The following TOGARAM1 variants were observed in gnomAD, a reference collection of about 807,000 sequenced individuals.
The protein encoded by TOGARAM1 is TOG array regulator of axonemal microtubules 1, also known as TOG array regulator of axonemal microtubules protein 1.
A neutral mutation model predicts 166.6 loss-of-function variants in TOGARAM1; 100 were observed. The observed-to-expected ratio is 0.60, with a 90% CI of 0.51 to 0.71. The LOEUF (loss-of-function observed/expected upper bound fraction) is 0.71. Among genes scored for constraint, TOGARAM1 ranks in the 30% least tolerant of loss-of-function variants. TOGARAM1 has a pLI of 0.00. For missense variants in TOGARAM1, 2,029 were observed against 2,102.7 expected (o/e 0.96, Z 0.69); for synonymous variants, 758 against 763.8 (o/e 0.99, Z 0.13).
chr14:45,032,503 A>G, intron 11 of TOGARAM1, 127 bp downstream of exon 11: 2 of 971,810 alleles, frequency 2.1e-6, no homozygotes, highest in Non-Finnish European at 3.0e-6. Flanking sequence ...GTTCTTAGGC[A>G]TCAGAGTCTT....
At chr14:45,064,024 G>T (rs895520597) in intron 16 of TOGARAM1, among the ~76,000 whole-genome samples, 1 of 151,958 alleles carries the variant, frequency 6.6e-6, no homozygotes, top group Non-Finnish European at 1.5e-5. Flanking sequence ...GGCCAGTTTT[G>T]CAAGAAACTT....
intron 7 of TOGARAM1, among the ~76,000 whole-genome samples, chr14:45,016,234 A>G (rs367935376): frequency 2.0e-5 from 3 of 152,118 alleles, no homozygotes; most frequent in African/African-American, 7.2e-5. Flanking sequence ...TATGTCTACA[A>G]AAAGTACAAA....
chr14:45,038,238 G>T (rs1881538298), intron 11 of TOGARAM1, among the ~76,000 whole-genome samples: 1 of 152,164 alleles, frequency 6.6e-6, no homozygotes. Flanking sequence ...TTTGTCATGG[G>T]ATCCTTAAGG....
chr14:45,012,845 C>G (rs1215464715), intron 7 of TOGARAM1, among the ~76,000 whole-genome samples: 1 of 152,152 alleles, frequency 6.6e-6, no homozygotes. Context: ...GTGTCTTAAT[C>G]TCAACCCCTC....
intron 7 of TOGARAM1, among the ~76,000 whole-genome samples, chr14:45,013,157 G>C (rs567334995): frequency 6.6e-6 from 1 of 152,110 alleles, no homozygotes; most frequent in African/African-American, 2.4e-5. Context: ...TGCACATACT[G>C]TTTTTTCTGG....
chr14:44,963,993 C>A lies in TOGARAM1; in HGVS notation c.1572C>A (p.Arg524=), dbSNP rs1334871078. The change falls in exon 1 of 20, where the codon CGC becomes CGA. Residue 524 remains arginine (R), a synonymous_variant. Coordinates refer to ENST00000361462, the MANE Select transcript of TOGARAM1 (RefSeq NM_001308120.2). ...DLAPALVDSK[R]RVRQAALEAF... ...CCCCAGCTCTTGTAGATAGCAAACG[C>A]AGGGTACGCCAAGCAGCTTTAGAAG... 3.1e-6 allele frequency: 5 copies of A among 1,614,186 alleles called. No homozygotes were observed. In the Admixed American group the frequency reaches 8.3e-5, roughly 27 times the overall value.
chr14:44,962,617 C>T lies in TOGARAM1; in HGVS notation c.196C>T (p.Pro66Ser), dbSNP rs1885223288. Residue 66 changes from proline (P) to serine (S), a missense_variant, in exon 1 of 20, where the codon CCT becomes TCT. Pro to Ser is a moderately conservative substitution (Grantham distance 74). This residue lies in a region of TOGARAM1 where 1,453 missense variants were observed against 1,432.2 expected (regional missense o/e 1.01). Transcript: ENST00000361462. ...CGGTTCCTGCCCCACTACAACTTCG[C>T]CTCTGGCCTCGGCCCTCTTGATGCC... ...DHGSCPTTTSPLASALLMPSE... is the reference protein window; with the variant it reads ...DHGSCPTTTSSLASALLMPSE... The T allele has an allele frequency of 6.2e-7, 1 of 1,613,614 alleles. No homozygotes were observed. The highest frequency in any genetic ancestry group is 8.5e-7 in the Non-Finnish European group (1 of 1,179,644).
intron 14 of TOGARAM1, among the ~76,000 whole-genome samples, chr14:45,050,484 C>G (rs1359323634): frequency 1.1e-4 from 17 of 151,866 alleles, no homozygotes; most frequent in Admixed American, 1.1e-3. Context: ...AACTCTTGGG[C>G]TCAAGCAGTC....
intron 1 of TOGARAM1, among the ~76,000 whole-genome samples, chr14:44,981,841 CTTT>C (rs56409455): frequency 8.7e-5 from 7 of 80,278 alleles, no homozygotes; most frequent in Non-Finnish European, 7.7e-5. Context: ...TTTTCACTTA[CTTT>C]TTTTTTTTTT....
Position 45,044,613 on chromosome 14 carries a change from TAC to T in TOGARAM1, c.3919-20_3919-19del. ...TTTCTTGCAGAATATCAGCAAAATG[TAC>T]ATTTTGAATTTTTTTTTAGGTGAAA... On this transcript the variant is annotated intron_variant, in intron 12 of 19. Transcript: ENST00000361462. 6.5e-7 allele frequency: 1 copy of T among 1,530,156 alleles called. No individual in the cohort carries two copies. The highest frequency in any genetic ancestry group is 1.2e-5 in the South Asian group (1 of 83,944). 94.8% of individuals were successfully genotyped at this position (1,530,156 alleles called of 1,614,324 possible).
chr14:44,964,026 C>T lies in TOGARAM1; in HGVS notation c.1605C>T (p.Ala535=), dbSNP rs1242726864. ...RVRQAALEAF[A]VLASSMGSGK... ...GCCAAGCAGCTTTAGAAGCTTTTGC[C>T]GTATTGGCATCATCAATGGGCTCAG... The change falls in exon 1 of 20, where the codon GCC becomes GCT. Residue 535 remains alanine, a synonymous_variant. Coordinates refer to ENST00000361462, the MANE Select transcript of TOGARAM1 (RefSeq NM_001308120.2). 11 of 1,613,958 alleles carry T rather than the reference C, an allele frequency of 6.8e-6. No homozygotes were observed. The highest frequency in any genetic ancestry group is 5.9e-6 in the Non-Finnish European group (7 of 1,180,008).
At position 45,043,749 on chromosome 14, in the gene TOGARAM1, G is replaced by A. The variant is rs759055925; in HGVS notation, c.3876G>A (p.Leu1292=). 2.5e-6 allele frequency: 4 copies of A among 1,613,508 alleles called. No homozygotes were observed. The South Asian group carries it at 3.3e-5, about 13-fold the overall frequency. The change falls in exon 12 of 20, where the codon CTG becomes CTA. Residue 1292 remains leucine (L), a synonymous_variant. Coordinates refer to ENST00000361462, the MANE Select transcript of TOGARAM1 (RefSeq NM_001308120.2). ...RCLAAFHSEI[L]NTKLHETNFA... ...TAGCTGCTTTTCATTCTGAGATACT[G>A]AACACAAAGTTGCATGAAACAAATT...
intron 13 of TOGARAM1, among the ~76,000 whole-genome samples, chr14:45,046,326 C>T (rs1405560269): frequency 1.3e-5 from 2 of 152,142 alleles, no homozygotes; most frequent in Non-Finnish European, 2.9e-5. Context: ...GCCTCAGCTA[C>T]TTGGGAGGCT....
At chr14:44,991,045 G>T (rs1360991832) in intron 1 of TOGARAM1, among the ~76,000 whole-genome samples, 1 of 137,296 alleles carries the variant, frequency 7.3e-6, no homozygotes, top group Non-Finnish European at 1.5e-5. Context: ...CTGCAGCCTC[G>T]ACCCCCAGGC....
At chr14:44,982,688 A>T (rs1346763518) in intron 1 of TOGARAM1, among the ~76,000 whole-genome samples, 1 of 152,228 alleles carries the variant, frequency 6.6e-6, no homozygotes, top group Admixed American at 6.5e-5. Flanking sequence ...AGGCAGTAAG[A>T]AGTTATTCAG....
At chr14:45,000,915 G>A (rs1165065693) in intron 3 of TOGARAM1, among the ~76,000 whole-genome samples, 2 of 151,988 alleles carry the variant, frequency 1.3e-5, no homozygotes, top group African/African-American at 4.8e-5. Context: ...TAAATTTTTT[G>A]CAGAGATGGG....
intron 1 of TOGARAM1, among the ~76,000 whole-genome samples, chr14:44,965,081 C>T (rs925208608): frequency 1.3e-5 from 2 of 151,816 alleles, no homozygotes; most frequent in Admixed American, 1.3e-4. Context: ...ACAATGAATA[C>T]CCATATACTT....
At chr14:45,033,926 G>A (rs1395833056) in intron 11 of TOGARAM1, among the ~76,000 whole-genome samples, 2 of 152,118 alleles carry the variant, frequency 1.3e-5, no homozygotes, top group Non-Finnish European at 2.9e-5. Context: ...ACTTTGGGAG[G>A]CCAGATGACT....
intron 11 of TOGARAM1, among the ~76,000 whole-genome samples, chr14:45,033,735 G>A (rs1881286312): frequency 6.6e-6 from 1 of 152,154 alleles, no homozygotes; most frequent in African/African-American, 2.4e-5. Flanking sequence ...TTACTTAGAT[G>A]CCATTAGACA....
Sources: allele counts gnomAD v4.1 joint callset (sites outside exome capture counted in the v4.1 genomes callset), GRCh38; gene constraint gnomAD v4.1.1; regional missense constraint gnomAD v4.1.1; transcripts MANE v1.5; gene names NCBI Gene and HGNC (gene_info 2026-07-23, HGNC 2026-07-21).